ARID1B: variants seen among roughly 807,000 people sequenced by gnomAD.
ARID1B encodes the protein AT-rich interactive domain-containing protein 1B.
In ARID1B, 30 loss-of-function variants were observed where a neutral mutation model predicts 212.3. The ratio of observed to expected loss-of-function variants is 0.14; its 90% CI spans 0.11 to 0.19. ARID1B has a LOEUF of 0.19. Among genes scored for constraint, ARID1B ranks in the 10% least tolerant of loss-of-function variants. The probability of loss-of-function intolerance (pLI) is 1.00; values close to 1 mark genes in which losing one functional copy is unlikely to be tolerated. For synonymous variants in ARID1B, 1,402 were observed against 1,301.7 expected, an observed-to-expected ratio of 1.08 and a Z score of -1.66; for missense variants, 2,891 against 3,204.0, an observed-to-expected ratio of 0.90 and a Z score of 2.36.
chr6:156,977,647 A>T (rs1193609962), intron 4 of ARID1B, among the ~76,000 whole-genome samples: 2 of 151,962 alleles, frequency 1.3e-5, no homozygotes, highest in African/African-American at 2.4e-5. Context: ...GTACATTTCA[A>T]TTGACTGATT....
chr6:156,881,577 C>T (rs558769586), intron 2 of ARID1B, among the ~76,000 whole-genome samples: 8 of 152,284 alleles, frequency 5.3e-5, no homozygotes, highest in African/African-American at 1.4e-4. Flanking sequence ...GAGGACTGCA[C>T]GGGTTCCCAT....
chr6:156,810,548 A>ATT (rs1781488399), intron 1 of ARID1B, among the ~76,000 whole-genome samples: 3 of 152,194 alleles, frequency 2.0e-5, no homozygotes, highest in Non-Finnish European at 4.4e-5. Flanking sequence ...AGACACATAA[A>ATT]CAGACAATGG....
intron 4 of ARID1B, among the ~76,000 whole-genome samples, chr6:157,044,664 A>G (rs1286199948): frequency 6.6e-6 from 1 of 152,078 alleles, no homozygotes; most frequent in Non-Finnish European, 1.5e-5. Context: ...CTTTTGTTAC[A>G]TTTTTCCAGT....
chr6:157,011,828 A>G (rs1408862949), intron 4 of ARID1B, among the ~76,000 whole-genome samples: 2 of 152,264 alleles, frequency 1.3e-5, no homozygotes, highest in Non-Finnish European at 2.9e-5. Context: ...GTTATTTCTC[A>G]GAATTTATGA....
At chr6:157,051,863 C>T (rs1782626045) in intron 4 of ARID1B, among the ~76,000 whole-genome samples, 1 of 152,058 alleles carries the variant, frequency 6.6e-6, no homozygotes, top group South Asian at 2.1e-4. Flanking sequence ...TTTCTTTTGT[C>T]ACATGATATA....
At chr6:157,049,178 A>G (rs984503465) in intron 4 of ARID1B, among the ~76,000 whole-genome samples, 5 of 151,068 alleles carry the variant, frequency 3.3e-5, no homozygotes, top group Non-Finnish European at 7.4e-5. Context: ...GTCTGGAGAA[A>G]AAAAAAAAAA....
intron 4 of ARID1B, among the ~76,000 whole-genome samples, chr6:156,983,307 A>G (rs1777728807): frequency 6.6e-6 from 1 of 152,074 alleles, no homozygotes; most frequent in African/African-American, 2.4e-5. Flanking sequence ...AGACAGGAGA[A>G]TCGCTTGAAC....
rs138613972 is a variant in ARID1B at position 157,133,543 on chromosome 6, G to A, written c.2761+336G>A. ...CAAGCCACGTTCTCAGGTTTCTGAT[G>A]TCAAACTTGGGCTTTGTTGGGTTGG... is the stretch of plus-strand genomic sequence containing the variant. On this transcript the variant is annotated intron_variant, in intron 7 of 19. Transcript: ENST00000636930. Among the ~76,000 whole-genome samples, 28 of 152,336 alleles carry A rather than the reference G, an allele frequency of 1.8e-4. No homozygotes were observed. In the East Asian group the frequency reaches 5.2e-3, roughly 28 times the overall value.
In ARID1B at chr6:156,932,175, C is replaced by T. The variant is rs76487372; in HGVS notation, c.2137-3291C>T. 5.7e-3 allele frequency among the ~76,000 whole-genome samples: 825 copies of T among 144,966 alleles called. 14 individuals carry two copies. Among genetic ancestry groups the T allele is most frequent in the African/African-American group, 0.021 (789 of 38,080 alleles). On this transcript the variant is annotated intron_variant, in intron 3 of 19. Coordinates refer to ENST00000636930, the MANE Select transcript of ARID1B (RefSeq NM_001374828.1). ...GGGGGCGGGGTGAAGAAATACCAAA[C>T]TGAAAATTTCTGAAACAAATGTGTA... is the stretch of plus-strand genomic sequence containing the variant.
At chr6:156,961,877 A>G (rs1794400950) in intron 4 of ARID1B, among the ~76,000 whole-genome samples, 1 of 152,112 alleles carries the variant, frequency 6.6e-6, no homozygotes, top group African/African-American at 2.4e-5. Context: ...TGGGGTGGGG[A>G]GCAGCCTGCC....
rs970199879 is a variant in ARID1B at position 157,096,768 on chromosome 6, C to G, written c.2491+11863C>G. Among the ~76,000 whole-genome samples the G allele has an allele frequency of 4.6e-5, 7 of 152,336 alleles. No individual in the cohort carries two copies. The South Asian group carries it at 1.2e-3, about 27-fold the overall frequency. On this transcript the variant is annotated intron_variant, in intron 5 of 19. Coordinates refer to ENST00000636930, the MANE Select transcript of ARID1B (RefSeq NM_001374828.1). ...TAGCCTCGTGCTGGAGAGGTCTGCT[C>G]TCCCCCCAGCAACCTCACAAGCCCA...
At chr6:157,010,092 T>C (rs1779477809) in intron 4 of ARID1B, among the ~76,000 whole-genome samples, 1 of 152,222 alleles carries the variant, frequency 6.6e-6, no homozygotes. Context: ...GTTTGGATTT[T>C]CTTAGCAATA....
intron 4 of ARID1B, among the ~76,000 whole-genome samples, chr6:156,946,593 T>C (rs560121228): frequency 1.3e-5 from 2 of 152,182 alleles, no homozygotes; most frequent in African/African-American, 2.4e-5. Flanking sequence ...TTCGAAATGC[T>C]GTCATGACCC....
intron 4 of ARID1B, among the ~76,000 whole-genome samples, chr6:157,051,413 A>C (rs1314846631): frequency 6.6e-6 from 1 of 152,228 alleles, no homozygotes; most frequent in Non-Finnish European, 1.5e-5. Flanking sequence ...CGGAAAATGC[A>C]GTTTGGAATT....
intron 5 of ARID1B, among the ~76,000 whole-genome samples, chr6:157,104,381 T>C (rs1389466879): frequency 6.6e-6 from 1 of 152,238 alleles, no homozygotes; most frequent in Non-Finnish European, 1.5e-5. Context: ...TGTTCAGTAA[T>C]GTACTACAGA....
intron 3 of ARID1B, among the ~76,000 whole-genome samples, chr6:156,909,841 T>G (rs1273033956): frequency 6.6e-6 from 1 of 152,240 alleles, no homozygotes; most frequent in Non-Finnish European, 1.5e-5. Flanking sequence ...GTTCACAGGA[T>G]GGGTCTGTGA....
chr6:157,188,870 G>A (rs1562335200), intron 13 of ARID1B, among the ~76,000 whole-genome samples: 1 of 152,112 alleles, frequency 6.6e-6, no homozygotes, highest in African/African-American at 2.4e-5. Context: ...TCAAGGTGAG[G>A]TTAATTAATT....
chr6:156,951,386 A>T, intron 4 of ARID1B, among the ~76,000 whole-genome samples: 1 of 152,202 alleles, frequency 6.6e-6, no homozygotes, highest in African/African-American at 2.4e-5. Flanking sequence ...CTAGCAAAGT[A>T]AAGGGGAAAA....
intron 4 of ARID1B, among the ~76,000 whole-genome samples, chr6:156,963,897 TAA>T (rs2128328942): frequency 6.6e-6 from 1 of 152,362 alleles, no homozygotes; most frequent in African/African-American, 2.4e-5. Flanking sequence ...CCACGTGGCT[TAA>T]GTTTGGATTC....
Sources: allele counts gnomAD v4.1 joint callset (sites outside exome capture counted in the v4.1 genomes callset), GRCh38; gene constraint gnomAD v4.1.1; transcripts MANE v1.5; gene names NCBI Gene and HGNC (gene_info 2026-07-23, HGNC 2026-07-21).